GARIN2: variants seen among roughly 807,000 people sequenced by gnomAD.
GARIN2 encodes Golgi-associated RAB2 interactor protein 2.
the GARIN2 span, among the ~76,000 whole-genome samples, chr14:67,211,911 G>T: frequency 2.1e-3 from 320 of 152,242 alleles, no homozygotes; most frequent in African/African-American, 7.2e-3. Flanking sequence ...TGTAGGTTCT[G>T]TACATTGTGA....
At chr14:67,211,349 A>T in the GARIN2 span, among the ~76,000 whole-genome samples, 1 of 152,200 alleles carries the variant, frequency 6.6e-6, no homozygotes, top group Non-Finnish European at 1.5e-5. Context: ...CATTGAATAC[A>T]GTACAAACAT....
chr14:67,222,806 A>C, the GARIN2 span, among the ~76,000 whole-genome samples: 4 of 152,172 alleles, frequency 2.6e-5, no homozygotes, highest in Non-Finnish European at 5.9e-5. Flanking sequence ...AGTCATGCAC[A>C]TAAAAGAACA....
the GARIN2 span, among the ~76,000 whole-genome samples, chr14:67,196,424 C>A: frequency 6.6e-6 from 1 of 151,832 alleles, no homozygotes; most frequent in Non-Finnish European, 1.5e-5. Flanking sequence ...ACGACGTTGG[C>A]CAGGCCAGGC....
the GARIN2 span, among the ~76,000 whole-genome samples, chr14:67,192,803 T>C: frequency 6.8e-6 from 1 of 147,726 alleles, no homozygotes; most frequent in African/African-American, 2.5e-5. Context: ...TGTGTATATA[T>C]AGATATAGAT....
At chr14:67,212,590 A>G in the GARIN2 span, among the ~76,000 whole-genome samples, 1 of 95,424 alleles carries the variant, frequency 1.0e-5, no homozygotes, top group African/African-American at 5.4e-5. Context: ...GACCCTGTTG[A>G]AAAAAAAAAT....
the GARIN2 span, among the ~76,000 whole-genome samples, chr14:67,211,596 C>T: frequency 6.6e-6 from 1 of 152,118 alleles, no homozygotes; most frequent in African/African-American, 2.4e-5. Context: ...ATTATTTTAA[C>T]ACAGGAAAAT....
At chr14:67,226,392 C>T in the GARIN2 span, among the ~76,000 whole-genome samples, 2 of 146,698 alleles carry the variant, frequency 1.4e-5, no homozygotes, top group Non-Finnish European at 3.0e-5. Flanking sequence ...GACGGAGTCT[C>T]GCTCTGTCAC....
chr14:67,228,423 T>C, the GARIN2 span: 1 of 382,924 alleles, frequency 2.6e-6, no homozygotes, highest in African/African-American at 2.2e-5. Flanking sequence ...CTCCACCTTT[T>C]TTTAAAATCA....
At chr14:67,201,046 A>G in the GARIN2 span, among the ~76,000 whole-genome samples, 1 of 152,202 alleles carries the variant, frequency 6.6e-6, no homozygotes, top group African/African-American at 2.4e-5. Context: ...CTATAATCCC[A>G]GTACTTTGAA....
the GARIN2 span, among the ~76,000 whole-genome samples, chr14:67,224,259 CT>C: frequency 0.039 from 5,308 of 134,724 alleles, 416 homozygotes; most frequent in East Asian, 0.37. Flanking sequence ...TCTCTCTTTT[CT>C]TTTTTTTTTT....
At chr14:67,219,752 CA>C in the GARIN2 span, among the ~76,000 whole-genome samples, 1 of 152,144 alleles carries the variant, frequency 6.6e-6, no homozygotes, top group Non-Finnish European at 1.5e-5. Flanking sequence ...TCAAATTCTT[CA>C]AGGTCTCACC....
At chr14:67,200,048 G>C in the GARIN2 span, 1 of 936,984 alleles carries the variant, frequency 1.1e-6, no homozygotes, top group South Asian at 1.7e-5. Flanking sequence ...CCAGGCTCTG[G>C]GGGACAGCCA....
the GARIN2 span, among the ~76,000 whole-genome samples, chr14:67,191,816 C>T: frequency 6.6e-6 from 1 of 152,202 alleles, no homozygotes; most frequent in East Asian, 1.9e-4. Flanking sequence ...GGTTTCCGAT[C>T]TGTAATCAGA....
chr14:67,216,833 A>G, the GARIN2 span, among the ~76,000 whole-genome samples: 42 of 152,320 alleles, frequency 2.8e-4, no homozygotes, highest in South Asian at 5.8e-3. Flanking sequence ...GTCCTAACAT[A>G]TAGTCAATCC....
At chr14:67,203,845 G>A in the GARIN2 span, among the ~76,000 whole-genome samples, 12 of 152,160 alleles carry the variant, frequency 7.9e-5, no homozygotes, top group African/African-American at 2.9e-4. Context: ...CCGAGTATCT[G>A]GGACTACAGG....
At chr14:67,224,492 C>T in the GARIN2 span, 1 of 169,956 alleles carries the variant, frequency 5.9e-6, no homozygotes, top group Non-Finnish European at 1.3e-5. Flanking sequence ...AATCTCCTGA[C>T]CTCATGATCC....
chr14:67,198,866 A>C, the GARIN2 span: 2 of 648,410 alleles, frequency 3.1e-6, no homozygotes, highest in Non-Finnish European at 5.7e-6. Flanking sequence ...GAAATGGTGA[A>C]ATGAGTTCAA....
At chr14:67,220,987 A>G in the GARIN2 span, among the ~76,000 whole-genome samples, 1 of 152,184 alleles carries the variant, frequency 6.6e-6, no homozygotes, top group African/African-American at 2.4e-5. Context: ...GTTTTATTCA[A>G]TACTTCCAAA....
At chr14:67,216,717 C>T in the GARIN2 span, among the ~76,000 whole-genome samples, 22 of 151,878 alleles carry the variant, frequency 1.4e-4, no homozygotes, top group African/African-American at 2.4e-4. Context: ...TTTGAATGTT[C>T]CTGTTGTTAT....
Sources: allele counts gnomAD v4.1 joint callset (sites outside exome capture counted in the v4.1 genomes callset), GRCh38; gene constraint gnomAD v4.1.1; transcripts MANE v1.5; gene names NCBI Gene and HGNC (gene_info 2026-07-23, HGNC 2026-07-21).